Variants in SRBD1 observed in about 807,000 individuals in gnomAD.
SRBD1 encodes S1 RNA-binding domain-containing protein 1.
Under a neutral mutation model 115.3 loss-of-function variants are expected in SRBD1, and 88 were observed. The ratio of observed to expected loss-of-function variants is 0.76; its 90% CI spans 0.64 to 0.91. The LOEUF is 0.91. Ranked by LOEUF, SRBD1 falls within the 40% of genes least tolerant of loss-of-function variation. The pLI, the probability that SRBD1 is intolerant of heterozygous loss-of-function variation, is 0.00. For missense variants in SRBD1, 1,385 were observed against 1,177.4 expected (o/e 1.18, Z -2.58); for synonymous variants, 509 against 407.7 (o/e 1.25, Z -2.99).
chr2:45,523,479 A>C (rs757362809), intron 14 of SRBD1, among the ~76,000 whole-genome samples: 1 of 151,876 alleles, frequency 6.6e-6, no homozygotes, highest in Non-Finnish European at 1.5e-5. Context: ...GAAAGAAAGA[A>C]AGACTTAAAT....
At chr2:45,454,753 T>C (rs1669102474) in intron 16 of SRBD1, among the ~76,000 whole-genome samples, 1 of 151,874 alleles carries the variant, frequency 6.6e-6, no homozygotes, top group African/African-American at 2.4e-5. Flanking sequence ...AGCACGGTTT[T>C]TCATGTGTCA....
intron 4 of SRBD1, among the ~76,000 whole-genome samples, chr2:45,593,772 C>G (rs1340876405): frequency 6.6e-6 from 1 of 152,162 alleles, no homozygotes; most frequent in Non-Finnish European, 1.5e-5. Flanking sequence ...TTACCCTTAC[C>G]TAGTTATTTC....
intron 14 of SRBD1, among the ~76,000 whole-genome samples, chr2:45,497,958 C>CGCACCACA (rs1434036106): frequency 1.3e-5 from 2 of 152,048 alleles, no homozygotes; most frequent in African/African-American, 4.8e-5. Context: ...CGCTTGAGAT[C>CGCACCACA]GCACCACAGC....
chr2:45,598,588 G>A (rs1451877247), intron 4 of SRBD1, among the ~76,000 whole-genome samples: 2 of 150,268 alleles, frequency 1.3e-5, no homozygotes, highest in Non-Finnish European at 3.0e-5. Context: ...CTGGGCGACA[G>A]AGCAAGACAC....
At chr2:45,434,020 G>GA (rs996671750) in intron 16 of SRBD1, among the ~76,000 whole-genome samples, 1 of 152,006 alleles carries the variant, frequency 6.6e-6, no homozygotes, top group Non-Finnish European at 1.5e-5. Flanking sequence ...TCATAAGAGG[G>GA]AAAAAAATAA....
chr2:45,447,595 A>C (rs1668864420), intron 16 of SRBD1: 1 of 152,252 alleles, frequency 6.6e-6, no homozygotes, highest in Non-Finnish European at 1.5e-5. Flanking sequence ...GCCTCTAATC[A>C]GAATCTCCCA....
chr2:45,582,721 G>A (rs1158760680), intron 5 of SRBD1, among the ~76,000 whole-genome samples: 1 of 152,040 alleles, frequency 6.6e-6, no homozygotes, highest in African/African-American at 2.4e-5. Context: ...CATTCTGCGA[G>A]CACTTCCTTA....
At chr2:45,451,204 AT>A (rs1025241928) in intron 16 of SRBD1, among the ~76,000 whole-genome samples, 4 of 151,804 alleles carry the variant, frequency 2.6e-5, no homozygotes, top group African/African-American at 4.8e-5. Context: ...GTCTTGGACT[AT>A]TTTTTTTAAT....
chr2:45,396,657 T>C, intron 19 of SRBD1, among the ~76,000 whole-genome samples: 1 of 152,232 alleles, frequency 6.6e-6, no homozygotes, highest in East Asian at 1.9e-4. Context: ...GCTAATATTT[T>C]CAACAGAAAC....
At chr2:45,444,534 A>C (rs928530209) in intron 16 of SRBD1, among the ~76,000 whole-genome samples, 3 of 152,302 alleles carry the variant, frequency 2.0e-5, no homozygotes, top group South Asian at 4.1e-4. Flanking sequence ...GGGTAAGTTT[A>C]AAATAGCTTT....
intron 19 of SRBD1, among the ~76,000 whole-genome samples, chr2:45,397,281 A>G (rs1667173124): frequency 6.6e-6 from 1 of 152,204 alleles, no homozygotes; most frequent in Admixed American, 6.6e-5. Flanking sequence ...GTTACTCTAA[A>G]AATCTGTTAC....
chr2:45,577,440 C>T (rs538653404), intron 7 of SRBD1, among the ~76,000 whole-genome samples: 1 of 152,292 alleles, frequency 6.6e-6, no homozygotes, highest in Admixed American at 6.5e-5. Context: ...ATCTTCAAAC[C>T]TCCACACCTG....
chr2:45,489,320 T>C (rs1246335444), intron 14 of SRBD1, among the ~76,000 whole-genome samples: 3 of 152,214 alleles, frequency 2.0e-5, no homozygotes, highest in Admixed American at 6.5e-5. Context: ...CAGTATTTAC[T>C]TCAATTGCAT....
At chr2:45,609,605 A>G (rs1342584656) in intron 1 of SRBD1, among the ~76,000 whole-genome samples, 1 of 152,024 alleles carries the variant, frequency 6.6e-6, no homozygotes, top group African/African-American at 2.4e-5. Flanking sequence ...CTTTCTAACC[A>G]CCTTTACTAC....
At chr2:45,595,976 G>A (rs1219830317) in intron 4 of SRBD1, among the ~76,000 whole-genome samples, 4 of 151,788 alleles carry the variant, frequency 2.6e-5, no homozygotes, top group African/African-American at 9.7e-5. Flanking sequence ...GCATTCAGCT[G>A]TCAACATTCA....
intron 16 of SRBD1, among the ~76,000 whole-genome samples, chr2:45,425,747 C>T (rs1035381389): frequency 1.3e-5 from 2 of 152,074 alleles, no homozygotes; most frequent in Non-Finnish European, 2.9e-5. Context: ...CCCTCCCTCC[C>T]CTAGCCAAGG....
chr2:45,445,274 T>C lies in SRBD1; in HGVS notation c.2050-25380A>G, dbSNP rs577053061. Among the ~76,000 whole-genome samples, 4 of 152,234 alleles carry C rather than the reference T, an allele frequency of 2.6e-5. No individual in the cohort carries two copies. In the South Asian group the frequency reaches 6.2e-4, roughly 24 times the overall value. On this transcript the variant is annotated intron_variant, in intron 16 of 20. Coordinates refer to ENST00000263736, the MANE Select transcript of SRBD1 (RefSeq NM_018079.5). ...CATCACCCCATAAACATTAACATTA[T>C]TGATGCAGATCTGTCACTTGAAATA...
intron 2 of SRBD1, among the ~76,000 whole-genome samples, chr2:45,603,782 G>A (rs6733737): frequency 0.038 from 5,797 of 152,166 alleles, 165 homozygotes; most frequent in East Asian, 0.12. Flanking sequence ...AGCCCGACGT[G>A]GCCTCCCAAA....
At chr2:45,580,372 C>T (rs1673313957) in intron 6 of SRBD1, among the ~76,000 whole-genome samples, 3 of 151,882 alleles carry the variant, frequency 2.0e-5, no homozygotes, top group Admixed American at 1.3e-4. Flanking sequence ...TTGAGATGGA[C>T]TCTCGCTCTT....
Sources: allele counts gnomAD v4.1 joint callset (sites outside exome capture counted in the v4.1 genomes callset), GRCh38; gene constraint gnomAD v4.1.1; transcripts MANE v1.5; gene names NCBI Gene and HGNC (gene_info 2026-07-23, HGNC 2026-07-21).